Variants in COLGALT1 observed in about 807,000 individuals in gnomAD.
The protein encoded by COLGALT1 is procollagen galactosyltransferase 1.
A neutral mutation model predicts 60.8 loss-of-function variants in COLGALT1; 43 were observed. The ratio of observed to expected loss-of-function variants is 0.71; its 90% confidence interval spans 0.55 to 0.91. COLGALT1 has a LOEUF of 0.91. Ranked by LOEUF, COLGALT1 falls within the 40% of genes least tolerant of loss-of-function variation. The pLI is 0.00. For synonymous variants in COLGALT1, 369 were observed against 374.2 expected (o/e 0.99, Z 0.16); for missense variants, 845 against 880.0 (o/e 0.96, Z 0.50).
intron 5 of COLGALT1, 111 bp downstream of exon 5, chr19:17,568,824 G>T: frequency 9.3e-7 from 1 of 1,071,850 alleles, no homozygotes; most frequent in Admixed American, 2.0e-5. Flanking sequence ...ACAATGCAGC[G>T]CAGGGCTGAC....
Position 17,577,361 on chromosome 19 carries a change from G to A in COLGALT1, c.1027G>A (p.Val343Ile). ...TGGCTGGGGACTCTCCGGGCTGCAG[G>A]TCTTCATGATCAACCTGAGGCGGCG... ...KTPDKMGFDE[V>I]FMINLRRRQD... The change falls in exon 8 of 12, where the codon GTC (valine) becomes ATC (isoleucine). Residue 343 changes from valine (V) to isoleucine (I), a missense_variant and splice_region_variant. Coordinates refer to ENST00000252599, the MANE Select transcript of COLGALT1 (RefSeq NM_024656.4). 11 of 1,602,496 alleles carry A rather than the reference G, an allele frequency of 6.9e-6. No homozygotes were observed. Among genetic ancestry groups the A allele is most frequent in the South Asian group, 1.1e-5 (1 of 89,782 alleles).
chr19:17,559,768 C>T (rs925020610), intron 2 of COLGALT1, among the ~76,000 whole-genome samples: 1 of 152,016 alleles, frequency 6.6e-6, no homozygotes, highest in African/African-American at 2.4e-5. Flanking sequence ...GACTCCCTGC[C>T]CCCACCCAGT....
chr19:17,559,413 G>A lies in COLGALT1; in HGVS notation c.363G>A (p.Glu121=). ...ATTCCGTGGAGTGGCGGCCAGCAGA[G>A]GAGCCCAGGTGAGCATCTTTCCCCT... ...LYHSVEWRPA[E]EPRSYPDEEG... The change falls in exon 2 of 12, where the codon GAG becomes GAA. Residue 121 remains glutamate, a synonymous_variant. Coordinates refer to ENST00000252599, the MANE Select transcript of COLGALT1 (RefSeq NM_024656.4). 6.4e-7 allele frequency: 1 copy of A among 1,551,528 alleles called. No individual in the cohort carries two copies. Among genetic ancestry groups the A allele is most frequent in the Non-Finnish European group, 8.7e-7 (1 of 1,146,796 alleles).
chr19:17,581,045 G>T, intron 11 of COLGALT1, 132 bp from the exon 12 acceptor site: 1 of 1,377,320 alleles, frequency 7.3e-7, no homozygotes, highest in Non-Finnish European at 1.0e-6. Context: ...TCGCAGATCT[G>T]TCTCCATTTG....
At chr19:17,568,848 G>A in intron 5 of COLGALT1, 135 bp downstream of exon 5, 1 of 807,406 alleles carries the variant, frequency 1.2e-6, no homozygotes, top group South Asian at 1.6e-5. Context: ...AGGTGCAGCT[G>A]TATCTAGGTG....
intron 5 of COLGALT1, among the ~76,000 whole-genome samples, chr19:17,569,954 G>C (rs1462932732): frequency 7.4e-6 from 1 of 135,326 alleles, no homozygotes; most frequent in East Asian, 2.2e-4. Flanking sequence ...GAGTGCAGTG[G>C]CCCGATCTTG....
intron 4 of COLGALT1, 140 bp from the exon 5 acceptor site, chr19:17,568,369 G>A (rs2076291299): frequency 2.8e-6 from 2 of 716,078 alleles, no homozygotes; most frequent in Admixed American, 4.3e-5. Context: ...CACTGGGCTT[G>A]AGTCTGGGGT....
chr19:17,571,088 T>C (rs2076309901), intron 5 of COLGALT1, among the ~76,000 whole-genome samples: 1 of 152,094 alleles, frequency 6.6e-6, no homozygotes, highest in Non-Finnish European at 1.5e-5. Context: ...CTAAAATACT[T>C]ACCACCTGGC....
At position 17,574,332 on chromosome 19, in the gene COLGALT1, C is replaced by T. The variant is rs1032002376; in HGVS notation, c.949+1730C>T. Among the ~76,000 whole-genome samples the T allele has an allele frequency of 1.4e-3, 201 of 141,488 alleles. 2 individuals carry two copies. The highest frequency in any genetic ancestry group is 4.8e-3 in the African/African-American group (186 of 38,860). The allele number at this position is 141,488 out of a possible 152,430, so 92.8% of individuals were successfully genotyped here. ...CCCTGCCCTTTGTGTTTTGGGGAGACTTTTTTTTTTTTTTTGAGACGGTGT... is the reference window on the plus strand; with the variant it reads ...CCCTGCCCTTTGTGTTTTGGGGAGATTTTTTTTTTTTTTTTGAGACGGTGT... On this transcript the variant is annotated intron_variant, in intron 6 of 11. Transcript: ENST00000252599.
intron 6 of COLGALT1, among the ~76,000 whole-genome samples, chr19:17,575,278 CTCTGTCT>C (rs1351406719): frequency 6.6e-6 from 1 of 152,076 alleles, no homozygotes; most frequent in African/African-American, 2.4e-5. Flanking sequence ...CGGAGTCTCG[CTCTGTCT>C]CCCAGGCTGG....
In COLGALT1 at chr19:17,558,936, G is replaced by A. The variant is rs557936794; in HGVS notation, c.261-375G>A. Among the ~76,000 whole-genome samples, 11 of 151,712 alleles carry A rather than the reference G, an allele frequency of 7.3e-5. No homozygotes were observed. The South Asian group carries it at 1.0e-3, about 14-fold the overall frequency. On this transcript the variant is annotated intron_variant, in intron 1 of 11. Coordinates refer to ENST00000252599, the MANE Select transcript of COLGALT1 (RefSeq NM_024656.4). ...AGCACTTTGGGAGGCCAAGGTGGGC[G>A]GATCACGAGGTCAGGAGATCGAGAC...
At chr19:17,579,454 T>G in intron 9 of COLGALT1, 28 bp from the exon 10 acceptor site, 1 of 1,614,036 alleles carries the variant, frequency 6.2e-7, no homozygotes, top group Non-Finnish European at 8.5e-7. Context: ...TTGGCCTCCC[T>G]GTGATGTGGC....
At chr19:17,568,828 G>A (rs2076295578) in intron 5 of COLGALT1, 115 bp downstream of exon 5, 1 of 1,021,500 alleles carries the variant, frequency 9.8e-7, no homozygotes, top group Non-Finnish European at 1.5e-6. Context: ...TGCAGCGCAG[G>A]GCTGACTTCA....
At position 17,577,438 on chromosome 19, in the gene COLGALT1, G is replaced by C; in HGVS notation, c.1104G>C (p.Glu368Asp). The change falls in exon 8 of 12, where the codon GAG becomes GAC. Residue 368 changes from glutamate to aspartate, a missense_variant. Physicochemically the swap from Glu to Asp is conservative, Grantham distance 45 (BLOSUM62 2). Coordinates refer to ENST00000252599, the MANE Select transcript of COLGALT1 (RefSeq NM_024656.4). ...GGGCGCTGCAGGCACAGGAGATCGA[G>C]TGCCGGCTGGTGGAGGCCGTGGACG... is the stretch of plus-strand genomic sequence containing the variant. The part of the protein sequence containing the change: ...MLRALQAQEI[E>D]CRLVEAVDGK... 6.6e-7 allele frequency: 1 copy of C among 1,513,632 alleles called. No homozygotes were observed. The highest frequency in any genetic ancestry group is 8.8e-7 in the Non-Finnish European group (1 of 1,134,774). The allele number at this position is 1,513,632 out of a possible 1,614,324, so 93.8% of individuals were successfully genotyped here.
At chr19:17,567,686 C>A in intron 4 of COLGALT1, 146 bp downstream of exon 4, 1 of 878,756 alleles carries the variant, frequency 1.1e-6, no homozygotes, top group Admixed American at 2.7e-5. Context: ...CACCTGTAAC[C>A]CCAGCACTTT....
Position 17,579,629 on chromosome 19 carries a change from T to C in COLGALT1, c.1394+20T>C. Reference sequence around the variant, plus strand: ...CCTCATGTGAGTGGGGGTCTGAGGATGGGGTGAAGCTGGGGCCTGGGGCAA... The same window carrying C: ...CCTCATGTGAGTGGGGGTCTGAGGACGGGGTGAAGCTGGGGCCTGGGGCAA... On this transcript the variant is annotated intron_variant, in intron 10 of 11. Transcript: ENST00000252599. The C allele has an allele frequency of 1.9e-6, 2 of 1,040,684 alleles. No individual in the cohort carries two copies. The highest frequency in any genetic ancestry group is 2.3e-6 in the Non-Finnish European group (2 of 851,812). The allele number at this position is 1,040,684 out of a possible 1,614,324, so 64.5% of individuals were successfully genotyped here.
At chr19:17,580,384 C>T (rs1327278775) in intron 10 of COLGALT1, 2 of 448,670 alleles carry the variant, frequency 4.5e-6, no homozygotes, top group African/African-American at 2.0e-5. Flanking sequence ...CATCAGGGCA[C>T]CTCGCCCACC....
At chr19:17,559,480 C>G (rs1042077515) in intron 2 of COLGALT1, 59 bp downstream of exon 2, 14 of 1,308,238 alleles carry the variant, frequency 1.1e-5, no homozygotes, top group South Asian at 7.6e-5. Context: ...CACACACCCT[C>G]TATGGCTCCC....
intron 4 of COLGALT1, 133 bp from the exon 5 acceptor site, chr19:17,568,376 G>T: frequency 1.3e-6 from 1 of 750,378 alleles, no homozygotes; most frequent in Non-Finnish European, 2.3e-6. Context: ...CTTGAGTCTG[G>T]GGTCCTGGGA....
Sources: gnomAD v4.1 joint callset for allele counts (sites outside exome capture counted in the v4.1 genomes callset) on GRCh38, gnomAD v4.1.1 for gene constraint, MANE v1.5 for transcripts, NCBI Gene and HGNC (gene_info 2026-07-23, HGNC 2026-07-21) for gene names.